Variants in SP100 observed in about 807,000 individuals in gnomAD.
SP100 encodes the protein SP100 nuclear body protein.
SP100 carries 84 observed loss-of-function variants against 130.0 expected under a neutral mutation model. That is an observed-to-expected ratio of 0.65 (90% CI 0.54 to 0.77). The LOEUF (loss-of-function observed/expected upper bound fraction) is 0.77. Ranked by LOEUF, SP100 falls within the 30% of genes least tolerant of loss-of-function variation. The pLI, the probability that SP100 is intolerant of heterozygous loss-of-function variation, is 0.00. For missense variants in SP100, 978 were observed against 1,052.2 expected, an observed-to-expected ratio of 0.93 and a Z score of 0.97; for synonymous variants, 331 against 351.7, an observed-to-expected ratio of 0.94 and a Z score of 0.66.
At chr2:230,439,318 T>G (rs1267975032) in intron 2 of SP100, among the ~76,000 whole-genome samples, 1 of 152,212 alleles carries the variant, frequency 6.6e-6, no homozygotes, top group Non-Finnish European at 1.5e-5. Context: ...GGATTGTTTT[T>G]TCTAGTTCTG....
intron 24 of SP100, among the ~76,000 whole-genome samples, chr2:230,526,013 G>A (rs1691408035): frequency 6.6e-6 from 1 of 152,248 alleles, no homozygotes; most frequent in Non-Finnish European, 1.5e-5. Flanking sequence ...AGCTTCTGCA[G>A]ACTTAAACAT....
At chr2:230,468,160 C>A (rs2149985767) in intron 13 of SP100, among the ~76,000 whole-genome samples, 1 of 152,258 alleles carries the variant, frequency 6.6e-6, no homozygotes, top group Non-Finnish European at 1.5e-5. Flanking sequence ...GATCTTTTTT[C>A]TTTGCACATC....
At chr2:230,466,992 G>C (rs539948304) in intron 12 of SP100, 128 bp from the exon 13 acceptor site, 1 of 649,132 alleles carries the variant, frequency 1.5e-6, no homozygotes, top group Admixed American at 2.1e-5. Flanking sequence ...TTTGAGGCAC[G>C]GACATTCTTG....
At chr2:230,479,193 C>T (rs189416366) in intron 17 of SP100, among the ~76,000 whole-genome samples, 151 of 152,280 alleles carry the variant, frequency 9.9e-4, no homozygotes, top group South Asian at 2.1e-4. Flanking sequence ...GATCCCATAT[C>T]ATTTTATTTT....
intron 14 of SP100, chr2:230,469,784 A>T: frequency 7.3e-7 from 1 of 1,378,748 alleles, no homozygotes; most frequent in East Asian, 3.6e-5. Flanking sequence ...CAAAGTTAAA[A>T]AAAAAAAAGA....
chr2:230,508,716 A>G (rs1389336393), intron 23 of SP100: 1 of 152,066 alleles, frequency 6.6e-6, no homozygotes, highest in Non-Finnish European at 1.5e-5. Flanking sequence ...CTCAACATAA[A>G]CACTGGTTGT....
intron 8 of SP100, among the ~76,000 whole-genome samples, chr2:230,460,594 T>TGATCAAAGTGATTTACTTCCTTCG (rs1559500305): frequency 4.0e-4 from 3 of 7,410 alleles, no homozygotes; most frequent in South Asian, 2.9e-3. Flanking sequence ...ATCTGTTTCT[T>TGATCAAAGTGATTTACTTCCTTCG]TTTTTTTTTT....
At chr2:230,493,488 A>T (rs1451856980) in intron 17 of SP100, among the ~76,000 whole-genome samples, 1 of 152,200 alleles carries the variant, frequency 6.6e-6, no homozygotes, top group Non-Finnish European at 1.5e-5. Flanking sequence ...AAGTGCTAAG[A>T]TTACAGGGGT....
chr2:230,446,928 T>C, intron 5 of SP100, 26 bp downstream of exon 5: 2 of 1,424,428 alleles, frequency 1.4e-6, no homozygotes, highest in South Asian at 1.2e-5. Context: ...TAAAAGCTTT[T>C]TTCTAAGAGA....
At chr2:230,478,762 G>A (rs113745603) in intron 17 of SP100, among the ~76,000 whole-genome samples, 3,739 of 152,132 alleles carry the variant, frequency 0.025, 177 homozygotes, top group African/African-American at 0.086. Context: ...AATGTTACTG[G>A]GAAAAATAGA....
rs779573676 is a variant in SP100, at chr2:230,461,345, T to G, written c.904T>G (p.Phe302Val). Reference protein sequence around the residue: ...RLVDIKKEKPFSNSKVECQAQ... With the variant: ...RLVDIKKEKPVSNSKVECQAQ... ...GGTGGATATAAAAAAGGAAAAGCCATTTTCTAATTCAAAAGTTGAGTGCCA... is the reference window on the plus strand; with the variant it reads ...GGTGGATATAAAAAAGGAAAAGCCAGTTTCTAATTCAAAAGTTGAGTGCCA... Residue 302 changes from phenylalanine (F) to valine (V), a missense_variant, in exon 9 of 29, where the codon TTT becomes GTT. By Grantham distance (50) the Phe-to-Val change is conservative. Coordinates refer to ENST00000340126, the MANE Select transcript of SP100 (RefSeq NM_001080391.2). 3 of 1,614,158 alleles carry G rather than the reference T, an allele frequency of 1.9e-6. No homozygotes were observed. The South Asian group carries it at 3.3e-5, about 18-fold the overall frequency.
rs967206349 is a variant in SP100 at position 230,509,664 on chromosome 2, G to A, written c.2053-1461G>A. On this transcript the variant is annotated intron_variant, in intron 23 of 28. Transcript: ENST00000340126. ...GTCTATCTTCCCTCCTCTCCCCTCG[G>A]TTTCTAATGCTTGTGTCACTCTCAG... 3.9e-5 allele frequency: 6 copies of A among 152,176 alleles called. No individual in the cohort carries two copies. In the South Asian group the frequency reaches 1.0e-3, roughly 26 times the overall value. The allele number at this position is 152,176 out of a possible 1,614,324, so 9.4% of individuals were successfully genotyped here.
At chr2:230,423,422 T>C (rs887518171) in intron 2 of SP100, among the ~76,000 whole-genome samples, 1 of 152,314 alleles carries the variant, frequency 6.6e-6, no homozygotes, top group African/African-American at 2.4e-5. Flanking sequence ...ATTTTGTTGG[T>C]CTTTTCAATG....
intron 24 of SP100, chr2:230,537,581 A>G (rs1041459823): frequency 6.6e-6 from 1 of 152,202 alleles, no homozygotes; most frequent in Non-Finnish European, 1.5e-5. Context: ...AAACTTTCCT[A>G]GACAAACTTG....
At chr2:230,484,670 C>T (rs1040457145) in intron 17 of SP100, among the ~76,000 whole-genome samples, 2 of 152,104 alleles carry the variant, frequency 1.3e-5, no homozygotes, top group Non-Finnish European at 2.9e-5. Flanking sequence ...TAAATGAGGT[C>T]TTCCCTTGCA....
chr2:230,508,694 T>G (rs1230108531), intron 23 of SP100: 1 of 152,118 alleles, frequency 6.6e-6, no homozygotes, highest in African/African-American at 2.4e-5. Flanking sequence ...CAAAACAGTG[T>G]GCCTTTGCAA....
At chr2:230,492,327 G>A (rs2066431369) in intron 17 of SP100, among the ~76,000 whole-genome samples, 1 of 152,176 alleles carries the variant, frequency 6.6e-6, no homozygotes, top group Non-Finnish European at 1.5e-5. Context: ...GGTTTGGCTA[G>A]AGACAGGGTC....
intron 18 of SP100, among the ~76,000 whole-genome samples, chr2:230,495,129 T>C (rs1017174242): frequency 2.0e-5 from 3 of 152,088 alleles, no homozygotes; most frequent in Non-Finnish European, 4.4e-5. Context: ...ATTACAGAGA[T>C]ATGTGGGCAG....
intron 2 of SP100, among the ~76,000 whole-genome samples, chr2:230,434,577 G>A (rs951120552): frequency 3.3e-5 from 5 of 152,096 alleles, no homozygotes; most frequent in Admixed American, 6.6e-5. Flanking sequence ...CATTTAGCAT[G>A]TTAGGGAGTA....
Sources: gnomAD v4.1 joint callset for allele counts (sites outside exome capture counted in the v4.1 genomes callset) on GRCh38, gnomAD v4.1.1 for gene constraint, MANE v1.5 for transcripts, NCBI Gene and HGNC (gene_info 2026-07-23, HGNC 2026-07-21) for gene names.